Variants in AGPAT4 observed in about 807,000 individuals in gnomAD.
AGPAT4 encodes the protein 1-acyl-sn-glycerol-3-phosphate acyltransferase delta.
In AGPAT4, 15 loss-of-function variants were observed where a neutral mutation model predicts 48.0. The observed-to-expected ratio is 0.31, with a 90% CI of 0.21 to 0.48. AGPAT4 has a LOEUF of 0.48. Ranked by LOEUF, AGPAT4 falls within the 20% of genes least tolerant of loss-of-function variation. The pLI is 0.99. For missense variants in AGPAT4, 314 were observed against 482.5 expected (o/e 0.65, Z 3.27); for synonymous variants, 178 against 198.7 (o/e 0.90, Z 0.88).
At chr6:161,145,091 A>G (rs571414085) in intron 7 of AGPAT4, among the ~76,000 whole-genome samples, 4 of 151,892 alleles carry the variant, frequency 2.6e-5, no homozygotes, top group Non-Finnish European at 4.4e-5. Flanking sequence ...GGGGAAATTC[A>G]TATGGTTTTC....
rs1394967244 is a variant in AGPAT4 at position 161,222,410 on chromosome 6, C to T, written c.178+9626G>A. ...AATCATCTCTAATTCCTAAAAATAG[C>T]ACTTTGACAACTTTACTTCCAGTCT... On this transcript the variant is annotated intron_variant, in intron 2 of 8. Coordinates refer to ENST00000320285, the MANE Select transcript of AGPAT4 (RefSeq NM_020133.3). This position sits in a 1 kb window ranked among gnomAD's most constrained non-coding sequence, Gnocchi z 5.9. Among the ~76,000 whole-genome samples, 4 of 152,120 alleles carry T rather than the reference C, an allele frequency of 2.6e-5. No homozygotes were observed. The highest frequency in any genetic ancestry group is 5.9e-5 in the Non-Finnish European group (4 of 68,016).
At position 161,170,076 on chromosome 6, in the gene AGPAT4, C is replaced by G. The variant is rs566955533; in HGVS notation, c.179-3659G>C. ...TGCAGGACATCCACACCATCAATGCCAGATGCAAAAGAACTGATGCAAGTT... is the reference window on the plus strand; with the variant it reads ...TGCAGGACATCCACACCATCAATGCGAGATGCAAAAGAACTGATGCAAGTT... On this transcript the variant is annotated intron_variant, in intron 2 of 8. Transcript: ENST00000320285. Among the ~76,000 whole-genome samples the G allele has an allele frequency of 3.3e-5, 5 of 152,274 alleles. No homozygotes were observed. In the East Asian group the frequency reaches 7.7e-4, roughly 24 times the overall value.
chr6:161,158,721 G>T lies in AGPAT4; in HGVS notation c.349-4411C>A, dbSNP rs1444472085. ...ACCTTCAGAAGCTCTACAGCCTCTG[G>T]GGTGAAAAGGGATCGGAATGAGGCC... On this transcript the variant is annotated intron_variant, in intron 3 of 8. Transcript: ENST00000320285. This position sits in a 1 kb window ranked among gnomAD's most constrained non-coding sequence, Gnocchi z 5.3. 6.6e-6 allele frequency among the ~76,000 whole-genome samples: 1 copy of T among 152,180 alleles called. No homozygotes were observed. Among genetic ancestry groups the T allele is most frequent in the African/African-American group, 2.4e-5 (1 of 41,446 alleles).
Position 161,232,832 on chromosome 6 carries a change from G to A in AGPAT4, c.-89-530C>T, listed in dbSNP as rs907722344. 7.9e-5 allele frequency among the ~76,000 whole-genome samples: 12 copies of A among 152,170 alleles called. No individual in the cohort carries two copies. The highest frequency in any genetic ancestry group is 1.9e-4 in the African/African-American group (8 of 41,434). On this transcript the variant is annotated intron_variant, in intron 1 of 8. Transcript: ENST00000320285. This position sits in a 1 kb window ranked among gnomAD's most constrained non-coding sequence, Gnocchi z 6.8. Reference sequence around the variant, plus strand: ...TAAAGTCAAGCCTGCCCTGGACAAGGACGAGGACATACCCAGAGTGGGTGC... The same window carrying A: ...TAAAGTCAAGCCTGCCCTGGACAAGAACGAGGACATACCCAGAGTGGGTGC...
chr6:161,216,064 A>G lies in AGPAT4; in HGVS notation c.178+15972T>C, dbSNP rs186614225. Among the ~76,000 whole-genome samples the G allele has an allele frequency of 1.9e-4, 29 of 152,340 alleles. No homozygotes were observed. In the East Asian group the frequency reaches 5.4e-3, roughly 28 times the overall value. ...GAGGATTAAAGAAAACAAACAAAAA[A>G]TACCTTTCAGCTAAAGCCAGATTTG... On this transcript the variant is annotated intron_variant, in intron 2 of 8. Coordinates refer to ENST00000320285, the MANE Select transcript of AGPAT4 (RefSeq NM_020133.3). The surrounding 1 kb of genome is among the most constrained non-coding windows in gnomAD (Gnocchi z 4.8).
At chr6:161,269,812 G>A (rs1468245565) in intron 1 of AGPAT4, among the ~76,000 whole-genome samples, 2 of 152,196 alleles carry the variant, frequency 1.3e-5, no homozygotes, top group Admixed American at 6.5e-5. Context: ...ATAAATGAAG[G>A]GATTGGGGGT....
chr6:161,266,500 G>A lies in AGPAT4; in HGVS notation c.-90+7438C>T, dbSNP rs1372269419. 1.3e-5 allele frequency among the ~76,000 whole-genome samples: 2 copies of A among 152,206 alleles called. No individual in the cohort carries two copies. Among genetic ancestry groups the A allele is most frequent in the East Asian group, 3.9e-4 (2 of 5,194 alleles). ...AATTATGCATCTAGAAAGAGTGACTGTTTTATGAAGGGTGAATGGGGTGAT... is the reference window on the plus strand; with the variant it reads ...AATTATGCATCTAGAAAGAGTGACTATTTTATGAAGGGTGAATGGGGTGAT... On this transcript the variant is annotated intron_variant, in intron 1 of 8. Coordinates refer to ENST00000320285, the MANE Select transcript of AGPAT4 (RefSeq NM_020133.3). The surrounding 1 kb of genome is among the most constrained non-coding windows in gnomAD (Gnocchi z 6.2).
rs747178035 is a variant in AGPAT4, at chr6:161,130,912, T to G, written c.*5628A>C. The G allele has an allele frequency of 5.8e-6, 3 of 518,932 alleles. No homozygotes were observed. The highest frequency in any genetic ancestry group is 3.8e-6 in the Non-Finnish European group (1 of 259,872). 32.1% of individuals were successfully genotyped at this position (518,932 alleles called of 1,614,324 possible). A position where few individuals can be genotyped will look rare whatever the true frequency, so the allele number is the denominator to read the frequency against. Reference sequence around the variant, plus strand: ...GAATGGCATTCCAAAATTCCATGGATGACTTTTCTGAATGTCCTAGAATGT... The same window carrying G: ...GAATGGCATTCCAAAATTCCATGGAGGACTTTTCTGAATGTCCTAGAATGT... On this transcript the variant is annotated 3_prime_UTR_variant, in exon 9 of 9. Coordinates refer to ENST00000320285, the MANE Select transcript of AGPAT4 (RefSeq NM_020133.3).
rs1782183618 is a variant in AGPAT4, at chr6:161,233,432, TGA to T, written c.-89-1132_-89-1131del. Among the ~76,000 whole-genome samples the T allele has an allele frequency of 6.6e-6, 1 of 152,194 alleles. No individual in the cohort carries two copies. On this transcript the variant is annotated intron_variant, in intron 1 of 8. Coordinates refer to ENST00000320285, the MANE Select transcript of AGPAT4 (RefSeq NM_020133.3). The surrounding 1 kb of genome is among the most constrained non-coding windows in gnomAD (Gnocchi z 5.4). ...CGACAAACTTTCTAACAATAATAGT[TGA>T]GAGGCCCTAAAATTGTTACAATCTT...
rs1293311211 is a variant in AGPAT4, at chr6:161,147,079, C to T, written c.768-480G>A. On this transcript the variant is annotated intron_variant, in intron 6 of 8. Transcript: ENST00000320285. The surrounding 1 kb of genome is among the most constrained non-coding windows in gnomAD (Gnocchi z 4.8). ...ATCTCCCATCAAATGATTCCTCTGG[C>T]CTCTTGGTTAGCCTTGAGGCAGACT... Among the ~76,000 whole-genome samples the T allele has an allele frequency of 6.6e-6, 1 of 152,208 alleles. No homozygotes were observed. Among genetic ancestry groups the T allele is most frequent in the Non-Finnish European group, 1.5e-5 (1 of 68,032 alleles).
rs1388936806 is a variant in AGPAT4, at chr6:161,166,143, C to T, written c.348+105G>A. The T allele has an allele frequency of 2.1e-6, 3 of 1,434,566 alleles. No homozygotes were observed. Among genetic ancestry groups the T allele is most frequent in the Admixed American group, 4.2e-5 (2 of 48,082 alleles). The allele number at this position is 1,434,566 out of a possible 1,614,324, so 88.9% of individuals were successfully genotyped here. On this transcript the variant is annotated intron_variant, in intron 3 of 8. Transcript: ENST00000320285. This position sits in a 1 kb window ranked among gnomAD's most constrained non-coding sequence, Gnocchi z 6.7. ...AGGACCATTTCATCAAGTAGAAACT[C>T]TGTTGATTCTTCTGCAAGTTCTGAA...
rs907400573 is a variant in AGPAT4 at position 161,143,354 on chromosome 6, G to A, written c.843+3170C>T. 2.0e-5 allele frequency among the ~76,000 whole-genome samples: 3 copies of A among 152,044 alleles called. No individual in the cohort carries two copies. Among genetic ancestry groups the A allele is most frequent in the Admixed American group, 6.5e-5 (1 of 15,270 alleles). ...CCTCCCAAAGTGCTTACTCCCAAAGGGATTACTGGCATGAGCCACTGTGCC... is the reference window on the plus strand; with the variant it reads ...CCTCCCAAAGTGCTTACTCCCAAAGAGATTACTGGCATGAGCCACTGTGCC... On this transcript the variant is annotated intron_variant, in intron 7 of 8. Transcript: ENST00000320285. The surrounding 1 kb of genome is among the most constrained non-coding windows in gnomAD (Gnocchi z 4.7).
In AGPAT4 at chr6:161,154,089, G is replaced by T; in HGVS notation, c.510+60C>A. 3 of 1,608,688 alleles carry T rather than the reference G, an allele frequency of 1.9e-6. No homozygotes were observed. The highest frequency in any genetic ancestry group is 1.1e-5 in the South Asian group (1 of 90,616). ...CGTGTCCTGTGGAAGTCACATGGGGGTCCCACGGTCACAGTCCTGCAGGAG... is the reference window on the plus strand; with the variant it reads ...CGTGTCCTGTGGAAGTCACATGGGGTTCCCACGGTCACAGTCCTGCAGGAG... On this transcript the variant is annotated intron_variant, in intron 4 of 8. Transcript: ENST00000320285. This position sits in a 1 kb window ranked among gnomAD's most constrained non-coding sequence, Gnocchi z 7.8.
At position 161,219,989 on chromosome 6, in the gene AGPAT4, TA is replaced by T. The variant is rs1333660034; in HGVS notation, c.178+12046del. Among the ~76,000 whole-genome samples, 1 of 151,052 alleles carries T rather than the reference TA, an allele frequency of 6.6e-6. No individual in the cohort carries two copies. The highest frequency in any genetic ancestry group is 2.4e-5 in the African/African-American group (1 of 40,916). ...AGACAGGCAGGCAGATAGATACATT[TA>T]AAAAATAAATGGATTATTACTCAAA... On this transcript the variant is annotated intron_variant, in intron 2 of 8. Coordinates refer to ENST00000320285, the MANE Select transcript of AGPAT4 (RefSeq NM_020133.3). The surrounding 1 kb of genome is among the most constrained non-coding windows in gnomAD (Gnocchi z 4.9).
In AGPAT4 at chr6:161,130,923, A is replaced by T. The variant is rs762822756; in HGVS notation, c.*5617T>A. 1.9e-6 allele frequency: 1 copy of T among 518,924 alleles called. No homozygotes were observed. The highest frequency in any genetic ancestry group is 3.8e-6 in the Non-Finnish European group (1 of 259,768). The allele number at this position is 518,924 out of a possible 1,614,324, so 32.1% of individuals were successfully genotyped here. A position where few individuals can be genotyped will look rare whatever the true frequency, so the allele number is the denominator to read the frequency against. ...CAAAATTCCATGGATGACTTTTCTG[A>T]ATGTCCTAGAATGTTTGGCAAAGAT... On this transcript the variant is annotated 3_prime_UTR_variant, in exon 9 of 9. Coordinates refer to ENST00000320285, the MANE Select transcript of AGPAT4 (RefSeq NM_020133.3).
Position 161,148,308 on chromosome 6 carries a change from T to G in AGPAT4, c.767+879A>C, listed in dbSNP as rs1255151865. Among the ~76,000 whole-genome samples the G allele has an allele frequency of 1.3e-5, 2 of 152,168 alleles. No homozygotes were observed. Among genetic ancestry groups the G allele is most frequent in the Non-Finnish European group, 2.9e-5 (2 of 68,032 alleles). ...TGATGACGATGCTGTCCTATTTTCA[T>G]GGGAAAGCCAGAGTCATTTTTAGAT... On this transcript the variant is annotated intron_variant, in intron 6 of 8. Transcript: ENST00000320285. The surrounding 1 kb of genome is among the most constrained non-coding windows in gnomAD (Gnocchi z 5.5).
In AGPAT4 at chr6:161,135,332, C is replaced by G. The variant is rs1421340244; in HGVS notation, c.*1208G>C. 1 of 152,224 alleles carries G rather than the reference C, an allele frequency of 6.6e-6. No homozygotes were observed. Among genetic ancestry groups the G allele is most frequent in the African/African-American group, 2.4e-5 (1 of 41,452 alleles). The allele number at this position is 152,224 out of a possible 1,614,324, so 9.4% of individuals were successfully genotyped here. ...GTCTTGGCCTAAGATGATTTAATAG[C>G]TAGCATTTGTTCTGCAAAAATAGCA... On this transcript the variant is annotated 3_prime_UTR_variant, in exon 9 of 9. Coordinates refer to ENST00000320285, the MANE Select transcript of AGPAT4 (RefSeq NM_020133.3).
At position 161,130,701 on chromosome 6, in the gene AGPAT4, G is replaced by C. The variant is rs1348918007; in HGVS notation, c.*5839C>G. The C allele has an allele frequency of 1.4e-5, 5 of 354,148 alleles. No homozygotes were observed. The highest frequency in any genetic ancestry group is 2.3e-5 in the Non-Finnish European group (4 of 172,710). The allele number at this position is 354,148 out of a possible 1,614,324, so 21.9% of individuals were successfully genotyped here. A position where few individuals can be genotyped will look rare whatever the true frequency, so the allele number is the denominator to read the frequency against. ...TGTTGACTGTGGGCGGCCTGGGCCA[G>C]CCTTGCTGTGTTTGCCTCAGATGCG... On this transcript the variant is annotated 3_prime_UTR_variant, in exon 9 of 9. Transcript: ENST00000320285.
chr6:161,259,170 T>C lies in AGPAT4; in HGVS notation c.-90+14768A>G, dbSNP rs1783031769. On this transcript the variant is annotated intron_variant, in intron 1 of 8. Transcript: ENST00000320285. This position sits in a 1 kb window ranked among gnomAD's most constrained non-coding sequence, Gnocchi z 4.9. ...TACAACATAATGTTATGATATACGT[T>C]TACACCGTGAAATGATTAAATGAAG... 6.6e-6 allele frequency among the ~76,000 whole-genome samples: 1 copy of C among 152,184 alleles called. No individual in the cohort carries two copies. Among genetic ancestry groups the C allele is most frequent in the South Asian group, 2.1e-4 (1 of 4,832 alleles).
Sources: allele counts gnomAD v4.1 joint callset (sites outside exome capture counted in the v4.1 genomes callset), GRCh38; gene constraint gnomAD v4.1.1; non-coding constraint Gnocchi (gnomAD v3.1); transcripts MANE v1.5; gene names NCBI Gene and HGNC (gene_info 2026-07-23, HGNC 2026-07-21).